Variants in MAF observed in about 807,000 individuals in gnomAD.
MAF encodes transcription factor Maf.
MAF carries 10 observed loss-of-function variants against 22.0 expected under a neutral mutation model. That is an observed-to-expected ratio of 0.45 (90% CI 0.28 to 0.77). The LOEUF (loss-of-function observed/expected upper bound fraction) is 0.77. MAF is among the 30% of genes least tolerant of loss of function. MAF has a pLI of 0.12. For synonymous variants in MAF, 337 were observed against 255.8 expected, an observed-to-expected ratio of 1.32 and a Z score of -3.03; for missense variants, 544 against 548.4, an observed-to-expected ratio of 0.99 and a Z score of 0.08.
the MAF span, among the ~76,000 whole-genome samples, chr16:79,415,586 C>G: frequency 5.9e-5 from 9 of 152,102 alleles, no homozygotes; most frequent in Non-Finnish European, 8.8e-5. Flanking sequence ...GCATTCAAAG[C>G]CTGGATCACT....
At chr16:79,522,359 T>C in the MAF span, among the ~76,000 whole-genome samples, 1 of 152,292 alleles carries the variant, frequency 6.6e-6, no homozygotes, top group Admixed American at 6.5e-5. Flanking sequence ...GAAACCAGCC[T>C]GCAAATGGTG....
the MAF span, among the ~76,000 whole-genome samples, chr16:79,486,523 T>C: frequency 5.3e-5 from 8 of 152,238 alleles, no homozygotes; most frequent in African/African-American, 1.9e-4. Context: ...ACCTAGGTTC[T>C]AGGAAATAAG....
chr16:79,504,510 C>G, the MAF span, among the ~76,000 whole-genome samples: 3 of 152,268 alleles, frequency 2.0e-5, no homozygotes, highest in Admixed American at 6.5e-5. Flanking sequence ...AGGTGGGAAT[C>G]CCATGTAACA....
Position 79,594,353 on chromosome 16 carries a change from T to C in MAF, c.*107A>G, listed in dbSNP as rs926831433. 27 of 1,008,666 alleles carry C rather than the reference T, an allele frequency of 2.7e-5. No homozygotes were observed. The African/African-American group carries it at 4.2e-4, about 16-fold the overall frequency. The allele number at this position is 1,008,666 out of a possible 1,614,324, so 62.5% of individuals were successfully genotyped here. ...GCCTTCTTCTCTAACACAGTAATTTTTATTTAAAAAGGAGACTAAACAGAA... is the reference window on the plus strand; with the variant it reads ...GCCTTCTTCTCTAACACAGTAATTTCTATTTAAAAAGGAGACTAAACAGAA... On this transcript the variant is annotated 3_prime_UTR_variant, in exon 2 of 2. Coordinates refer to ENST00000326043, the MANE Select transcript of MAF (RefSeq NM_005360.5).
the MAF span, among the ~76,000 whole-genome samples, chr16:79,309,257 G>T: frequency 6.6e-6 from 1 of 152,184 alleles, no homozygotes; most frequent in Non-Finnish European, 1.5e-5. Flanking sequence ...TTTGGCTGAT[G>T]CCTTGAGCTA....
the MAF span, among the ~76,000 whole-genome samples, chr16:79,227,654 T>C: frequency 6.6e-6 from 1 of 151,994 alleles, no homozygotes; most frequent in Non-Finnish European, 1.5e-5. Context: ...TACTACTTGC[T>C]AAAAATTTGA....
In MAF at chr16:79,600,494, T is replaced by C. The variant is rs962190207; in HGVS notation, c.-592A>G. On this transcript the variant is annotated 5_prime_UTR_variant, in exon 1 of 2. Transcript: ENST00000326043. ...TGGCTCTCTTTATTATTTTTTTTCTTTCCTCTCTCTCCCTCGCGCGCTCTC... is the reference window on the plus strand; with the variant it reads ...TGGCTCTCTTTATTATTTTTTTTCTCTCCTCTCTCTCCCTCGCGCGCTCTC... 5.1e-6 allele frequency: 1 copy of C among 194,320 alleles called. No homozygotes were observed. The highest frequency in any genetic ancestry group is 2.4e-5 in the African/African-American group (1 of 41,928). The allele number at this position is 194,320 out of a possible 1,614,324, so 12.0% of individuals were successfully genotyped here. A position where few individuals can be genotyped will look rare whatever the true frequency, so the allele number is the denominator to read the frequency against.
At chr16:79,320,218 TTGTC>T in the MAF span, among the ~76,000 whole-genome samples, 2 of 152,188 alleles carry the variant, frequency 1.3e-5, no homozygotes, top group East Asian at 3.9e-4. Flanking sequence ...AGAGTGATCT[TTGTC>T]TGATGTCTCT....
chr16:79,342,657 T>C, the MAF span, among the ~76,000 whole-genome samples: 2 of 152,082 alleles, frequency 1.3e-5, no homozygotes, highest in South Asian at 4.2e-4. Flanking sequence ...ACCATCACCA[T>C]CATCATAACA....
At chr16:79,319,821 A>G in the MAF span, among the ~76,000 whole-genome samples, 4,629 of 152,314 alleles carry the variant, frequency 0.03, 253 homozygotes, top group African/African-American at 0.11. Context: ...ATGACCACAT[A>G]GAGAAATACG....
chr16:79,430,144 C>A, the MAF span, among the ~76,000 whole-genome samples: 1 of 152,224 alleles, frequency 6.6e-6, no homozygotes, highest in East Asian at 1.9e-4. Flanking sequence ...TCACTGCTCC[C>A]TTCTCCCTGC....
the MAF span, among the ~76,000 whole-genome samples, chr16:79,317,357 T>C: frequency 8.3e-5 from 12 of 145,394 alleles, no homozygotes; most frequent in Non-Finnish European, 1.5e-4. Context: ...TCCTTCCTTC[T>C]TCCCTCCTTT....
chr16:79,496,116 TGA>T, the MAF span, among the ~76,000 whole-genome samples: 1 of 152,100 alleles, frequency 6.6e-6, no homozygotes, highest in South Asian at 2.1e-4. Context: ...ACAAAAATTA[TGA>T]GATAAAAATG....
the MAF span, among the ~76,000 whole-genome samples, chr16:79,550,967 T>C: frequency 1.3e-5 from 2 of 152,174 alleles, no homozygotes; most frequent in South Asian, 2.1e-4. Context: ...AGGACCGTGG[T>C]TCCTTTGGAG....
At chr16:79,495,805 G>A in the MAF span, among the ~76,000 whole-genome samples, 20 of 152,226 alleles carry the variant, frequency 1.3e-4, no homozygotes, top group Middle Eastern at 3.4e-3. Flanking sequence ...TGGTCCATTC[G>A]TTCAACAAAT....
At chr16:79,453,877 G>A in the MAF span, among the ~76,000 whole-genome samples, 1 of 152,156 alleles carries the variant, frequency 6.6e-6, no homozygotes, top group Admixed American at 6.5e-5. Context: ...CACACTGAAT[G>A]TATGTGGATT....
At chr16:79,330,064 T>G in the MAF span, among the ~76,000 whole-genome samples, 1 of 152,224 alleles carries the variant, frequency 6.6e-6, no homozygotes, top group South Asian at 2.1e-4. Flanking sequence ...CATTTTTTAC[T>G]AATCAAGTAG....
chr16:79,526,822 C>A, the MAF span, among the ~76,000 whole-genome samples: 5 of 150,586 alleles, frequency 3.3e-5, no homozygotes, highest in South Asian at 2.1e-4. Context: ...GGGATACATT[C>A]AATATTACGA....
the MAF span, among the ~76,000 whole-genome samples, chr16:79,321,158 A>G: frequency 5.3e-5 from 8 of 152,210 alleles, no homozygotes; most frequent in African/African-American, 1.9e-4. Context: ...ACATACAGTG[A>G]TTCTCCTCGA....
Sources: gnomAD v4.1 joint callset for allele counts (sites outside exome capture counted in the v4.1 genomes callset) on GRCh38, gnomAD v4.1.1 for gene constraint, MANE v1.5 for transcripts, NCBI Gene and HGNC (gene_info 2026-07-23, HGNC 2026-07-21) for gene names.